PCDHA7: variants seen among roughly 807,000 people sequenced by gnomAD.
The protein encoded by PCDHA7 is protocadherin alpha-7.
A neutral mutation model predicts 57.2 loss-of-function variants in PCDHA7; 37 were observed. The observed-to-expected ratio is 0.65, with a 90% confidence interval of 0.50 to 0.85. The LOEUF is 0.85. PCDHA7 is among the 40% of genes least tolerant of loss of function. PCDHA7 has a pLI of 0.00. For missense variants in PCDHA7, 1,188 were observed against 1,241.8 expected, an observed-to-expected ratio of 0.96 and a Z score of 0.65; for synonymous variants, 553 against 558.8, an observed-to-expected ratio of 0.99 and a Z score of 0.15.
intron 1 of PCDHA7, among the ~76,000 whole-genome samples, chr5:140,940,440 G>T (rs1348385112): frequency 1.3e-5 from 2 of 151,928 alleles, no homozygotes; most frequent in Non-Finnish European, 2.9e-5. Flanking sequence ...AGTCTGCCAT[G>T]ATATTTTTTA....
At chr5:140,926,409 C>G (rs1426750263) in intron 1 of PCDHA7, 3 of 152,670 alleles carry the variant, frequency 2.0e-5, no homozygotes, top group Admixed American at 6.5e-5. Context: ...CAGCAATCTG[C>G]GGGCAGAGGA....
chr5:140,947,192 C>T (rs958443362), intron 1 of PCDHA7, among the ~76,000 whole-genome samples: 2 of 151,038 alleles, frequency 1.3e-5, no homozygotes, highest in Admixed American at 6.6e-5. Flanking sequence ...GTATACTACA[C>T]AGCCTTAAAA....
chr5:140,999,775 A>T (rs2097875590), intron 3 of PCDHA7, among the ~76,000 whole-genome samples: 1 of 152,178 alleles, frequency 6.6e-6, no homozygotes, highest in African/African-American at 2.4e-5. Context: ...TATACTCTTA[A>T]CCTAGAAATG....
intron 3 of PCDHA7, among the ~76,000 whole-genome samples, chr5:140,992,691 G>A (rs373170347): frequency 9.3e-4 from 142 of 152,244 alleles, no homozygotes; most frequent in Middle Eastern, 3.4e-3. Context: ...GGGTTGAGGG[G>A]TGGGTAATGT....
chr5:140,859,951 A>G (rs1376166288), intron 1 of PCDHA7: 3 of 151,970 alleles, frequency 2.0e-5, no homozygotes, highest in African/African-American at 7.3e-5. Context: ...ACTCATATCA[A>G]TTGTAAAAGT....
rs782339436 is a variant in PCDHA7, at chr5:140,928,591, G to A, written c.2356-50358G>A. The A allele has an allele frequency of 3.1e-6, 5 of 1,614,230 alleles. No individual in the cohort carries two copies. The South Asian group carries it at 5.5e-5, about 18-fold the overall frequency. ...CTTGCCCAGAAATGGTTCTGTCCCA[G>A]TGGAAATTGTGCCCCGCTCTGCCAG... On this transcript the variant is annotated intron_variant, in intron 1 of 3. Coordinates refer to ENST00000525929, the MANE Select transcript of PCDHA7 (RefSeq NM_018910.3).
Position 140,841,177 on chromosome 5 carries a change from T to C in PCDHA7, c.2355+4439T>C, listed in dbSNP as rs1485843958. 5 of 1,089,016 alleles carry C rather than the reference T, an allele frequency of 4.6e-6. No homozygotes were observed. The East Asian group carries it at 7.7e-5, about 17-fold the overall frequency. 67.5% of individuals were successfully genotyped at this position (1,089,016 alleles called of 1,614,324 possible). ...CTACCAAGAAGTTCTGGTTGGTCAA[T>C]GTTCAAAGTCTTTTCTCTGACAGCA... On this transcript the variant is annotated intron_variant, in intron 1 of 3. Coordinates refer to ENST00000525929, the MANE Select transcript of PCDHA7 (RefSeq NM_018910.3).
chr5:140,915,992 G>A (rs1437857401), intron 1 of PCDHA7, among the ~76,000 whole-genome samples: 2 of 152,134 alleles, frequency 1.3e-5, no homozygotes, highest in African/African-American at 4.8e-5. Context: ...GGCTAAGCTG[G>A]CACTCAAACC....
At chr5:140,928,277 C>A (rs2085098556) in intron 1 of PCDHA7, 2 of 1,614,156 alleles carry the variant, frequency 1.2e-6, no homozygotes, top group South Asian at 2.2e-5. Context: ...GGCCCTGGGG[C>A]CTCTCTAGGC....
At position 141,010,430 on chromosome 5, in the gene PCDHA7, A is replaced by T; in HGVS notation, c.*493A>T. On this transcript the variant is annotated 3_prime_UTR_variant, in exon 4 of 4. Transcript: ENST00000525929. ...CTAATTGGTACAAGGAAGGCAAGAA[A>T]ACAAAGACAAATAAACAGCGGAAGT... 9.4e-7 allele frequency: 1 copy of T among 1,058,474 alleles called. No homozygotes were observed. Among genetic ancestry groups the T allele is most frequent in the Non-Finnish European group, 1.3e-6 (1 of 756,992 alleles). 65.6% of individuals were successfully genotyped at this position (1,058,474 alleles called of 1,614,324 possible). A position where few individuals can be genotyped will look rare whatever the true frequency, so the allele number is the denominator to read the frequency against.
intron 1 of PCDHA7, chr5:140,843,398 C>T (rs2150359248): frequency 2.5e-6 from 4 of 1,595,994 alleles, no homozygotes; most frequent in African/African-American, 2.7e-5. Flanking sequence ...GGAAGCGGCG[C>T]TGGTGGATGT....
chr5:140,957,076 A>C (rs1554222802), intron 1 of PCDHA7, among the ~76,000 whole-genome samples: 1 of 152,174 alleles, frequency 6.6e-6, no homozygotes, highest in Non-Finnish European at 1.5e-5. Context: ...AGGGCTTTTT[A>C]TTAAGGAAAA....
chr5:141,009,771 T>C lies in PCDHA7; in HGVS notation c.2648T>C (p.Ile883Thr), dbSNP rs142720081. 3.1e-5 allele frequency: 50 copies of C among 1,613,964 alleles called. No homozygotes were observed. The highest frequency in any genetic ancestry group is 1.6e-4 in the Middle Eastern group (1 of 6,084). Residue 883 changes from isoleucine (I) to threonine (T), a missense_variant, in exon 4 of 4, where the codon ATC (isoleucine) becomes ACC (threonine). Transcript: ENST00000525929. ...DKFIIPGSPA[I>T]ISIRQEPTNS... ...TTCATTATCCCAGGATCTCCTGCAA[T>C]CATCTCCATCCGGCAGGAGCCTACT...
rs145195613 is a variant in PCDHA7, at chr5:140,845,173, T to C, written c.2355+8435T>C. Among the ~76,000 whole-genome samples, 10 of 149,788 alleles carry C rather than the reference T, an allele frequency of 6.7e-5. No individual in the cohort carries two copies. The East Asian group carries it at 1.7e-3, about 26-fold the overall frequency. On this transcript the variant is annotated intron_variant, in intron 1 of 3. Transcript: ENST00000525929. ...GTGTAAAAGCGAATTGTTTTCATTTTAGTCCTTTAAAAAATATGATTGTTT... is the reference window on the plus strand; with the variant it reads ...GTGTAAAAGCGAATTGTTTTCATTTCAGTCCTTTAAAAAATATGATTGTTT...
At chr5:140,873,078 T>A (rs1375879471) in intron 1 of PCDHA7, among the ~76,000 whole-genome samples, 19 of 152,184 alleles carry the variant, frequency 1.2e-4, no homozygotes, top group Admixed American at 9.2e-4. Flanking sequence ...ATCTAGCTAT[T>A]TCCCCCCCGT....
At position 140,982,388 on chromosome 5, in the gene PCDHA7, A is replaced by G. The variant is rs868944535; in HGVS notation, c.2415-87A>G. 32 of 1,592,320 alleles carry G rather than the reference A, an allele frequency of 2.0e-5. 1 individual carries two copies. The Middle Eastern group carries it at 4.6e-3, about 226-fold the overall frequency. Reference sequence around the variant, plus strand: ...ATGTGTTAGCTGCAGCCCTGGCTTCATAGTTGTAAGCAATTTCTGAGGGTG... The same window carrying G: ...ATGTGTTAGCTGCAGCCCTGGCTTCGTAGTTGTAAGCAATTTCTGAGGGTG... On this transcript the variant is annotated intron_variant, in intron 2 of 3. Coordinates refer to ENST00000525929, the MANE Select transcript of PCDHA7 (RefSeq NM_018910.3).
rs1554206991 is a variant in PCDHA7, at chr5:140,929,323, A to G, written c.2356-49626A>G. 4 of 1,540,320 alleles carry G rather than the reference A, an allele frequency of 2.6e-6. No homozygotes were observed. In the Admixed American group the frequency reaches 8.1e-5, roughly 31 times the overall value. On this transcript the variant is annotated intron_variant, in intron 1 of 3. Transcript: ENST00000525929. ...AGGGGATCACGCTAATGTCAATGCC[A>G]TGGTAAGCAAATTTTATGGAATTTG...
intron 3 of PCDHA7, among the ~76,000 whole-genome samples, chr5:141,007,994 T>G (rs1339008337): frequency 5.9e-5 from 9 of 152,262 alleles, no homozygotes. Flanking sequence ...GAAATGTACA[T>G]GTTAATAAAC....
At chr5:140,924,049 T>C (rs1554201723) in intron 1 of PCDHA7, among the ~76,000 whole-genome samples, 1 of 152,254 alleles carries the variant, frequency 6.6e-6, no homozygotes, top group East Asian at 1.9e-4. Flanking sequence ...AAAAGTTCGG[T>C]ACATCTTTAC....
Sources: gnomAD v4.1 joint callset for allele counts (sites outside exome capture counted in the v4.1 genomes callset) on GRCh38, gnomAD v4.1.1 for gene constraint, MANE v1.5 for transcripts, NCBI Gene and HGNC (gene_info 2026-07-23, HGNC 2026-07-21) for gene names.